The following RBM19 variants were observed in gnomAD, a reference collection of about 807,000 sequenced individuals.
RBM19 encodes RNA binding motif protein 19, also known as probable RNA-binding protein 19.
Under a neutral mutation model 116.8 loss-of-function variants are expected in RBM19, and 94 were observed. That is an observed-to-expected ratio of 0.80 (90% confidence interval 0.68 to 0.95). RBM19 has a LOEUF of 0.95. RBM19 is among the 40% of genes least tolerant of loss of function. The pLI, the probability that RBM19 is intolerant of heterozygous loss-of-function variation, is 0.00. For synonymous variants in RBM19, 475 were observed against 494.1 expected, an observed-to-expected ratio of 0.96 and a Z score of 0.51; for missense variants, 1,161 against 1,220.7, an observed-to-expected ratio of 0.95 and a Z score of 0.73.
chr12:113,838,658 C>T (rs1371911001), intron 23 of RBM19, among the ~76,000 whole-genome samples: 1 of 152,200 alleles, frequency 6.6e-6, no homozygotes, highest in Non-Finnish European at 1.5e-5. Flanking sequence ...GCAGATAGTA[C>T]CTGGCCGCCA....
At chr12:113,872,571 G>T (rs1435560532) in intron 21 of RBM19, among the ~76,000 whole-genome samples, 3 of 117,272 alleles carry the variant, frequency 2.6e-5, no homozygotes, top group Non-Finnish European at 3.8e-5. Context: ...GAGGGAGGTG[G>T]GGGGGGGTCA....
At chr12:113,935,002 C>G (rs11066826) in intron 16 of RBM19, among the ~76,000 whole-genome samples, 24,230 of 152,170 alleles carry the variant, frequency 0.16, 2,559 homozygotes, top group African/African-American at 0.3. Context: ...GAGACAGCCC[C>G]ATTCCCTGCC....
chr12:113,879,080 G>A (rs1047115256), intron 21 of RBM19, among the ~76,000 whole-genome samples: 1 of 152,080 alleles, frequency 6.6e-6, no homozygotes, highest in African/African-American at 2.4e-5. Context: ...TGGCTTCCCC[G>A]TCCCCGCCAG....
At chr12:113,915,161 CT>C (rs1882698569) in intron 20 of RBM19, 76 bp from the exon 21 acceptor site, 1 of 1,169,432 alleles carries the variant, frequency 8.6e-7, no homozygotes, top group Admixed American at 1.7e-5. Context: ...TCCACTACGC[CT>C]CCATCAGAAT....
At chr12:113,947,654 G>C (rs1566036009) in intron 10 of RBM19, among the ~76,000 whole-genome samples, 190 bp from the exon 11 acceptor site, 3 of 152,166 alleles carry the variant, frequency 2.0e-5, no homozygotes, top group African/African-American at 7.2e-5. Flanking sequence ...TACACATGAA[G>C]CTTGCCTTGA....
chr12:113,856,050 GC>G (rs893220617), intron 22 of RBM19, among the ~76,000 whole-genome samples: 1 of 152,234 alleles, frequency 6.6e-6, no homozygotes, highest in Non-Finnish European at 1.5e-5. Flanking sequence ...CATGGCACAA[GC>G]CCCAGTGTGG....
At chr12:113,820,063 G>A (rs1874311974), downstream of RBM19, among the ~76,000 whole-genome samples, 2 of 151,006 alleles carry the variant, frequency 1.3e-5, no homozygotes, top group Admixed American at 1.3e-4. Context: ...GGGGGTTGGG[G>A]CTGGGTGTAA....
At chr12:113,893,457 C>T (rs1881095068) in intron 21 of RBM19, among the ~76,000 whole-genome samples, 1 of 152,180 alleles carries the variant, frequency 6.6e-6, no homozygotes, top group Admixed American at 6.5e-5. Context: ...GCTTTCTTCC[C>T]TTGATTGCTG....
rs577039391 is a variant in RBM19 at position 113,922,408 on chromosome 12, G to C, written c.2306-1718C>G. On this transcript the variant is annotated intron_variant, in intron 18 of 23. Transcript: ENST00000261741. ...GTCTCAAATACAGGCCCTTGAAAAA[G>C]ACAGTGTATGTTTTAAGAGCTGCTT... is the stretch of plus-strand genomic sequence containing the variant. Among the ~76,000 whole-genome samples, 6 of 152,278 alleles carry C rather than the reference G, an allele frequency of 3.9e-5. No homozygotes were observed. The East Asian group carries it at 9.7e-4, about 25-fold the overall frequency.
At chr12:113,878,019 T>A (rs1052902769) in intron 21 of RBM19, among the ~76,000 whole-genome samples, 2 of 152,230 alleles carry the variant, frequency 1.3e-5, no homozygotes, top group Non-Finnish European at 2.9e-5. Flanking sequence ...ACACGGCTAC[T>A]CTTATTCTCT....
chr12:113,857,877 TG>T (rs1878030367), intron 22 of RBM19, among the ~76,000 whole-genome samples: 1 of 152,166 alleles, frequency 6.6e-6, no homozygotes, highest in African/African-American at 2.4e-5. Context: ...CTCCAGGAAA[TG>T]TTCACTGTTC....
At chr12:113,964,434 C>T (rs926753099) in intron 1 of RBM19, among the ~76,000 whole-genome samples, 1 of 152,166 alleles carries the variant, frequency 6.6e-6, no homozygotes, top group African/African-American at 2.4e-5. Flanking sequence ...TTCTTTCATT[C>T]ATGAGATAAG....
intron 22 of RBM19, 84 bp downstream of exon 22, chr12:113,858,707 G>T: frequency 1.5e-6 from 2 of 1,300,412 alleles, no homozygotes; most frequent in Non-Finnish European, 2.2e-6. Flanking sequence ...GACTCTGTGT[G>T]TGTTAGAGGC....
At chr12:113,964,034 T>C (rs1250540129) in intron 1 of RBM19, among the ~76,000 whole-genome samples, 1 of 152,248 alleles carries the variant, frequency 6.6e-6, no homozygotes, top group Admixed American at 6.5e-5. Flanking sequence ...ATGTCAGTGA[T>C]GCACCTTGCA....
chr12:113,896,441 G>C (rs1881331919), intron 21 of RBM19, among the ~76,000 whole-genome samples: 1 of 152,234 alleles, frequency 6.6e-6, no homozygotes, highest in Non-Finnish European at 1.5e-5. Flanking sequence ...CCATGGGAGG[G>C]GAGCCACACC....
chr12:113,922,636 A>T lies in RBM19; in HGVS notation c.2306-1946T>A, dbSNP rs565888884. Reference sequence around the variant, plus strand: ...TAACTTTTTTTTTTTTTTTTCCTGAAATCCTCAAAACTGGTCCTTCTCATA... The same window carrying T: ...TAACTTTTTTTTTTTTTTTTCCTGATATCCTCAAAACTGGTCCTTCTCATA... On this transcript the variant is annotated intron_variant, in intron 18 of 23. Coordinates refer to ENST00000261741, the MANE Select transcript of RBM19 (RefSeq NM_016196.4). 7.3e-5 allele frequency among the ~76,000 whole-genome samples: 11 copies of T among 151,118 alleles called. No homozygotes were observed. The South Asian group carries it at 2.3e-3, about 32-fold the overall frequency.
chr12:113,894,866 C>T (rs1052796691), intron 21 of RBM19, among the ~76,000 whole-genome samples: 3 of 152,224 alleles, frequency 2.0e-5, no homozygotes, highest in Non-Finnish European at 4.4e-5. Context: ...ACTAAGGCCA[C>T]GACTGGGACA....
chr12:113,946,274 C>A lies in RBM19; in HGVS notation c.1529+80G>T, dbSNP rs111308067. 16 of 1,594,604 alleles carry A rather than the reference C, an allele frequency of 1.0e-5. No homozygotes were observed. In the African/African-American group the frequency reaches 1.2e-4, roughly 12 times the overall value. ...ACTAAACCCATCAGGAGTCAGAAGACCCAGGTGGCTTAGAAAGGGCAGGGT... is the reference window on the plus strand; with the variant it reads ...ACTAAACCCATCAGGAGTCAGAAGAACCAGGTGGCTTAGAAAGGGCAGGGT... On this transcript the variant is annotated intron_variant, in intron 12 of 23. Coordinates refer to ENST00000261741, the MANE Select transcript of RBM19 (RefSeq NM_016196.4).
chr12:113,944,904 C>A (rs1265506501), intron 13 of RBM19, among the ~76,000 whole-genome samples: 2 of 151,812 alleles, frequency 1.3e-5, no homozygotes, highest in African/African-American at 4.8e-5. Context: ...TATACACACA[C>A]ACACACCCCT....
Sources: gnomAD v4.1 joint callset for allele counts (sites outside exome capture counted in the v4.1 genomes callset) on GRCh38, gnomAD v4.1.1 for gene constraint, MANE v1.5 for transcripts, NCBI Gene and HGNC (gene_info 2026-07-23, HGNC 2026-07-21) for gene names.